The following EIF2AK4 variants were observed in gnomAD, a reference collection of about 807,000 sequenced individuals.
EIF2AK4 encodes eIF-2-alpha kinase GCN2.
EIF2AK4 carries 139 observed loss-of-function variants against 211.1 expected under a neutral mutation model. The observed-to-expected ratio is 0.66, with a 90% confidence interval of 0.57 to 0.76. The LOEUF is 0.76. EIF2AK4 is among the 30% of genes least tolerant of loss of function. The probability of loss-of-function intolerance (pLI) is 0.00; values close to 1 mark genes in which losing one functional copy is unlikely to be tolerated. For synonymous variants in EIF2AK4, 710 were observed against 751.3 expected (o/e 0.94, Z 0.90); for missense variants, 1,664 against 2,043.8 (o/e 0.81, Z 3.58).
intron 6 of EIF2AK4, among the ~76,000 whole-genome samples, chr15:39,957,019 C>G (rs1312544202): frequency 2.0e-5 from 3 of 152,064 alleles, no homozygotes; most frequent in Admixed American, 2.0e-4. Flanking sequence ...GTAACCATTC[C>G]TTTTTAAGAT....
At chr15:39,962,322 T>A (rs931501844) in intron 7 of EIF2AK4, among the ~76,000 whole-genome samples, 2 of 152,234 alleles carry the variant, frequency 1.3e-5, no homozygotes, top group Non-Finnish European at 2.9e-5. Context: ...ACGATCATTT[T>A]AAATCTGTCA....
At chr15:39,938,809 G>C (rs759553068) in intron 1 of EIF2AK4, among the ~76,000 whole-genome samples, 1 of 152,158 alleles carries the variant, frequency 6.6e-6, no homozygotes, top group Non-Finnish European at 1.5e-5. Context: ...CCTGGACCAT[G>C]GGAGCGCTCA....
chr15:39,982,464 A>G (rs200667747), intron 13 of EIF2AK4, among the ~76,000 whole-genome samples: 3 of 152,232 alleles, frequency 2.0e-5, no homozygotes, highest in African/African-American at 7.2e-5. Context: ...CTGTGTAGCA[A>G]CAGACCTGTA....
chr15:39,984,526 A>G (rs2140923905), intron 13 of EIF2AK4, among the ~76,000 whole-genome samples: 1 of 152,064 alleles, frequency 6.6e-6, no homozygotes, highest in East Asian at 1.9e-4. Flanking sequence ...CTTTTATTTC[A>G]TTGAGCAGTG....
At position 40,019,295 on chromosome 15, in the gene EIF2AK4, A is replaced by T. The variant is rs369711324; in HGVS notation, c.4173+95A>T. On this transcript the variant is annotated intron_variant, in intron 30 of 38. Transcript: ENST00000263791. ...TGCAGTCATTTACATGGGGCTTCTG[A>T]TGTGAAAGCTATAGACGTAGGGTTT... is the stretch of plus-strand genomic sequence containing the variant. 7.1e-5 allele frequency: 65 copies of T among 910,418 alleles called. No individual in the cohort carries two copies. In the East Asian group the frequency reaches 8.2e-4, roughly 11 times the overall value. 56.4% of individuals were successfully genotyped at this position (910,418 alleles called of 1,614,324 possible).
At chr15:39,967,945 G>T (rs900496505) in intron 9 of EIF2AK4, 66 bp downstream of exon 9, 2 of 1,505,836 alleles carry the variant, frequency 1.3e-6, no homozygotes, top group African/African-American at 1.4e-5. Context: ...GCTGGAGTGT[G>T]CCAGACATCT....
At chr15:39,992,552 C>T in intron 17 of EIF2AK4, 1 of 589,134 alleles carries the variant, frequency 1.7e-6, no homozygotes, top group Non-Finnish European at 3.0e-6. Flanking sequence ...ACTGTCCCTC[C>T]TCTTCAATAG....
intron 27 of EIF2AK4, among the ~76,000 whole-genome samples, chr15:40,014,561 AG>A (rs889805107): frequency 1.3e-5 from 2 of 152,224 alleles, no homozygotes; most frequent in African/African-American, 2.4e-5. Context: ...CAAGTCCCTA[AG>A]CTACATAGAG....
Position 39,985,907 on chromosome 15 carries a change from G to C in EIF2AK4, c.2403+19G>C. ...CATCCAGGTGAGGTCGTGGTGTGTA[G>C]TTAGGTGACACAGCAACACCCAGTA... On this transcript the variant is annotated intron_variant, in intron 14 of 38. Transcript: ENST00000263791. The C allele has an allele frequency of 1.9e-6, 3 of 1,610,498 alleles. No individual in the cohort carries two copies. The highest frequency in any genetic ancestry group is 2.7e-5 in the African/African-American group (2 of 74,976).
chr15:39,934,921 A>C (rs947678450), intron 1 of EIF2AK4, among the ~76,000 whole-genome samples: 4 of 152,208 alleles, frequency 2.6e-5, no homozygotes, highest in Non-Finnish European at 5.9e-5. Flanking sequence ...TAAAGCACAC[A>C]TTCATCTTAG....
intron 32 of EIF2AK4, among the ~76,000 whole-genome samples, chr15:40,024,941 C>T (rs954961746): frequency 5.9e-5 from 9 of 151,954 alleles, no homozygotes; most frequent in Admixed American, 5.2e-4. Flanking sequence ...TGCCAAATGC[C>T]ATGAGATTTG....
intron 1 of EIF2AK4, among the ~76,000 whole-genome samples, chr15:39,937,598 T>G (rs1396155784): frequency 2.0e-5 from 3 of 152,204 alleles, no homozygotes; most frequent in Non-Finnish European, 1.5e-5. Context: ...TCTTTTATGG[T>G]CCCTGTGGGT....
intron 7 of EIF2AK4, among the ~76,000 whole-genome samples, chr15:39,963,502 T>A (rs1438072539): frequency 1.3e-5 from 2 of 152,250 alleles, no homozygotes; most frequent in East Asian, 1.9e-4. Flanking sequence ...TCTGATTTTT[T>A]AAAATATGCC....
At chr15:40,006,543 AGTT>A (rs2035164576) in intron 23 of EIF2AK4, among the ~76,000 whole-genome samples, 2 of 152,226 alleles carry the variant, frequency 1.3e-5, no homozygotes, top group Non-Finnish European at 2.9e-5. Context: ...TGGTTTTACT[AGTT>A]GTGGTTACTA....
chr15:39,965,878 C>T, intron 8 of EIF2AK4, 35 bp downstream of exon 8: 1 of 1,610,452 alleles, frequency 6.2e-7, no homozygotes, highest in South Asian at 1.1e-5. Context: ...AGCAAAAGGC[C>T]TAATCTCAGG....
At chr15:39,992,906 C>A in intron 18 of EIF2AK4, 58 bp downstream of exon 18, 1 of 1,542,196 alleles carries the variant, frequency 6.5e-7, no homozygotes, top group South Asian at 1.1e-5. Context: ...ACATCTAGAT[C>A]ACAGCATTTG....
intron 3 of EIF2AK4, among the ~76,000 whole-genome samples, chr15:39,943,928 C>T (rs1336149801): frequency 6.6e-6 from 1 of 151,912 alleles, no homozygotes; most frequent in African/African-American, 2.4e-5. Flanking sequence ...TCACTCCAGC[C>T]TGGGCCATAG....
intron 32 of EIF2AK4, 107 bp downstream of exon 32, chr15:40,022,712 C>T (rs2035408423): frequency 1.1e-6 from 1 of 882,848 alleles, no homozygotes; most frequent in Non-Finnish European, 1.8e-6. Context: ...AATCCGTTCC[C>T]TCTACTCTCC....
intron 31 of EIF2AK4, 41 bp downstream of exon 31, chr15:40,021,068 C>T: frequency 1.9e-6 from 3 of 1,600,476 alleles, no homozygotes; most frequent in Non-Finnish European, 2.6e-6. Flanking sequence ...GTGCAAATTG[C>T]TATGGCTTTC....
Sources: gnomAD v4.1 joint callset for allele counts (sites outside exome capture counted in the v4.1 genomes callset) on GRCh38, gnomAD v4.1.1 for gene constraint, MANE v1.5 for transcripts, NCBI Gene and HGNC (gene_info 2026-07-23, HGNC 2026-07-21) for gene names.